AKT3: variants seen among roughly 807,000 people sequenced by gnomAD.
AKT3 encodes the protein AKT serine/threonine kinase 3, also known as RAC-gamma serine/threonine-protein kinase.
A neutral mutation model predicts 65.3 loss-of-function variants in AKT3; 15 were observed. The ratio of observed to expected loss-of-function variants is 0.23; its 90% CI spans 0.15 to 0.35. The LOEUF (loss-of-function observed/expected upper bound fraction) is 0.35, where lower values mean the gene tolerates loss of function less well. Ranked by LOEUF, AKT3 falls within the 10% of genes least tolerant of loss-of-function variation. AKT3 has a pLI of 1.00. For synonymous variants in AKT3, 206 were observed against 183.8 expected, an observed-to-expected ratio of 1.12 and a Z score of -0.98; for missense variants, 243 against 576.5, an observed-to-expected ratio of 0.42 and a Z score of 5.92.
intron 9 of AKT3, among the ~76,000 whole-genome samples, chr1:243,567,479 G>C (rs969055600): frequency 8.7e-6 from 1 of 115,390 alleles, no homozygotes; most frequent in Non-Finnish European, 1.8e-5. Flanking sequence ...GTTTTTGTTT[G>C]TTTCTTCCTT....
At chr1:243,737,612 C>A (rs1025159412) in intron 2 of AKT3, among the ~76,000 whole-genome samples, 12 of 152,180 alleles carry the variant, frequency 7.9e-5, no homozygotes, top group Admixed American at 6.5e-4. Flanking sequence ...AGAAAAGGGA[C>A]AGGGTAGACT....
chr1:243,644,399 T>C (rs1027910762), intron 5 of AKT3, among the ~76,000 whole-genome samples: 12 of 152,128 alleles, frequency 7.9e-5, no homozygotes, highest in African/African-American at 2.7e-4. Flanking sequence ...CAGATCTTAC[T>C]GCCTGGGGTT....
chr1:243,609,034 G>A (rs146218071), intron 8 of AKT3, among the ~76,000 whole-genome samples: 50 of 151,962 alleles, frequency 3.3e-4, no homozygotes, highest in Non-Finnish European at 4.7e-4. Context: ...TTACAGGTGT[G>A]AGCCACGACG....
At chr1:243,643,883 A>T (rs920747074) in intron 5 of AKT3, among the ~76,000 whole-genome samples, 2 of 152,252 alleles carry the variant, frequency 1.3e-5, no homozygotes, top group Admixed American at 6.5e-5. Context: ...AATTCTTTGC[A>T]TGATAATTGA....
In AKT3 at chr1:243,521,560, C is replaced by T. The variant is rs570895664; in HGVS notation, c.1252-9134G>A. 2.0e-5 allele frequency among the ~76,000 whole-genome samples: 3 copies of T among 152,276 alleles called. No individual in the cohort carries two copies. The South Asian group carries it at 6.2e-4, about 32-fold the overall frequency. On this transcript the variant is annotated intron_variant, in intron 12 of 13. Coordinates refer to ENST00000673466, the MANE Select transcript of AKT3 (RefSeq NM_005465.7). ...TGCCATACCAATGAATTCTTCTTGACATAAAACTAGAAACTAAAATAATTA... is the reference window on the plus strand; with the variant it reads ...TGCCATACCAATGAATTCTTCTTGATATAAAACTAGAAACTAAAATAATTA...
At chr1:243,795,152 T>A (rs1691875627) in intron 2 of AKT3, among the ~76,000 whole-genome samples, 1 of 151,750 alleles carries the variant, frequency 6.6e-6, no homozygotes, top group Admixed American at 6.6e-5. Context: ...TTTTTTTTTT[T>A]AATGTTGGAG....
chr1:243,773,402 T>C (rs1690323948), intron 2 of AKT3, among the ~76,000 whole-genome samples: 1 of 152,124 alleles, frequency 6.6e-6, no homozygotes, highest in African/African-American at 2.4e-5. Context: ...CTGATTTTAA[T>C]GATTTACCTC....
intron 3 of AKT3, among the ~76,000 whole-genome samples, chr1:243,675,433 T>C (rs1367977889): frequency 6.6e-6 from 1 of 152,194 alleles, no homozygotes; most frequent in African/African-American, 2.4e-5. Flanking sequence ...ACTCCTGACC[T>C]CAGGTGATCA....
intron 2 of AKT3, among the ~76,000 whole-genome samples, chr1:243,840,960 GA>G (rs144462913): frequency 0.027 from 4,052 of 151,892 alleles, 173 homozygotes; most frequent in African/African-American, 0.092. Context: ...TTAAAAATAG[GA>G]AAAAAAGTTC....
chr1:243,620,136 T>G, intron 6 of AKT3, among the ~76,000 whole-genome samples: 1 of 97,878 alleles, frequency 1.0e-5, no homozygotes, highest in African/African-American at 2.6e-5. Context: ...CACGCTGTTC[T>G]TGTGATAGTG....
chr1:243,636,289 A>G (rs1679967963), intron 6 of AKT3, among the ~76,000 whole-genome samples: 1 of 152,062 alleles, frequency 6.6e-6, no homozygotes, highest in South Asian at 2.1e-4. Context: ...TTTAATACTG[A>G]TGGCATGTAC....
At chr1:243,843,356 C>A (rs1695363519) in intron 1 of AKT3, 74 bp from the exon 2 acceptor site, 1 of 1,301,264 alleles carries the variant, frequency 7.7e-7, no homozygotes, top group South Asian at 2.6e-5. Flanking sequence ...ACAACTAATT[C>A]TTTGTAAATG....
chr1:243,578,062 G>A (rs1249041864), intron 8 of AKT3, among the ~76,000 whole-genome samples: 1 of 152,016 alleles, frequency 6.6e-6, no homozygotes, highest in Non-Finnish European at 1.5e-5. Context: ...ACAGAGAGAT[G>A]GGAACACTTT....
intron 13 of AKT3, among the ~76,000 whole-genome samples, chr1:243,494,710 A>G (rs1196290135): frequency 6.6e-6 from 1 of 152,256 alleles, no homozygotes; most frequent in Non-Finnish European, 1.5e-5. Flanking sequence ...TGAATTTTAT[A>G]TTCCTTCAGA....
intron 6 of AKT3, among the ~76,000 whole-genome samples, chr1:243,629,081 A>G (rs1679398319): frequency 6.6e-6 from 1 of 152,108 alleles, no homozygotes; most frequent in Non-Finnish European, 1.5e-5. Context: ...GTTTGAGACC[A>G]GCCTGACCAA....
intron 2 of AKT3, among the ~76,000 whole-genome samples, chr1:243,781,247 ATGGT>A (rs1258154496): frequency 6.6e-6 from 1 of 152,092 alleles, no homozygotes; most frequent in Non-Finnish European, 1.5e-5. Context: ...TCTTTTTTTA[ATGGT>A]TGGTTAGAAT....
intron 3 of AKT3, among the ~76,000 whole-genome samples, chr1:243,676,421 A>G (rs890439434): frequency 2.0e-5 from 3 of 152,162 alleles, no homozygotes; most frequent in Non-Finnish European, 1.5e-5. Flanking sequence ...GGATTTAATT[A>G]TAGATAGGCT....
chr1:243,653,514 GATAAGA>G (rs1264486478), intron 4 of AKT3, among the ~76,000 whole-genome samples: 3 of 152,170 alleles, frequency 2.0e-5, no homozygotes, highest in South Asian at 2.1e-4. Flanking sequence ...GCATTATCCT[GATAAGA>G]ATATGTTCCA....
At chr1:243,822,363 A>G (rs1282437637) in intron 2 of AKT3, among the ~76,000 whole-genome samples, 1 of 152,100 alleles carries the variant, frequency 6.6e-6, no homozygotes, top group African/African-American at 2.4e-5. Flanking sequence ...TCACAACTAA[A>G]AGAACTAGAG....
Sources: allele counts gnomAD v4.1 joint callset (sites outside exome capture counted in the v4.1 genomes callset), GRCh38; gene constraint gnomAD v4.1.1; transcripts MANE v1.5; gene names NCBI Gene and HGNC (gene_info 2026-07-23, HGNC 2026-07-21).